PCDHA8: variants seen among roughly 807,000 people sequenced by gnomAD.
PCDHA8 encodes the protein protocadherin alpha-8.
A neutral mutation model predicts 61.8 loss-of-function variants in PCDHA8; 53 were observed. The observed-to-expected ratio is 0.86, with a 90% CI of 0.69 to 1.08. The LOEUF (loss-of-function observed/expected upper bound fraction) is 1.08. PCDHA8 is among the 50% of genes least tolerant of loss of function. The probability of loss-of-function intolerance (pLI) is 0.00; values close to 1 mark genes in which losing one functional copy is unlikely to be tolerated. For synonymous variants in PCDHA8, 618 were observed against 556.6 expected (o/e 1.11, Z -1.55); for missense variants, 1,293 against 1,245.0 (o/e 1.04, Z -0.58).
chr5:140,976,413 C>T (rs560298731), intron 1 of PCDHA8, among the ~76,000 whole-genome samples: 2 of 151,978 alleles, frequency 1.3e-5, no homozygotes, highest in African/African-American at 4.8e-5. Flanking sequence ...TAGCCAGGTA[C>T]GGTGGCAGAT....
intron 1 of PCDHA8, chr5:140,929,570 A>G (rs1563117537): frequency 2.2e-6 from 1 of 458,222 alleles, no homozygotes; most frequent in South Asian, 1.1e-4. Flanking sequence ...TAAGAACAAT[A>G]AAAGTAATAT....
chr5:140,978,920 A>G, intron 1 of PCDHA8, 29 bp from the exon 2 acceptor site: 1 of 1,614,014 alleles, frequency 6.2e-7, no homozygotes, highest in Non-Finnish European at 8.5e-7. Context: ...TTGTCATTTT[A>G]ACAGAAAACT....
chr5:140,956,433 C>T (rs1260145380), intron 1 of PCDHA8, among the ~76,000 whole-genome samples: 6 of 152,098 alleles, frequency 3.9e-5, no homozygotes, highest in African/African-American at 1.4e-4. Context: ...TTTAGTTCTG[C>T]TTATGTGATG....
intron 1 of PCDHA8, chr5:140,863,107 G>A (rs1554157777): frequency 1.7e-6 from 1 of 582,652 alleles, no homozygotes; most frequent in Admixed American, 1.9e-5. Flanking sequence ...TACCCTGGAC[G>A]AGGCGAAAGC....
In PCDHA8 at chr5:140,846,504, A is replaced by G. The variant is rs910263180; in HGVS notation, c.2394+2789A>G. ...ATTCTCCTTCCTCAGCCTCCCAAGT[A>G]GCTGGGATTACAGGTGCATGCCACC... is the stretch of plus-strand genomic sequence containing the variant. On this transcript the variant is annotated intron_variant, in intron 1 of 3. Coordinates refer to ENST00000531613, the MANE Select transcript of PCDHA8 (RefSeq NM_018911.3). Among the ~76,000 whole-genome samples the G allele has an allele frequency of 1.4e-5, 2 of 146,302 alleles. 1 individual carries two copies. Among genetic ancestry groups the G allele is most frequent in the Non-Finnish European group, 3.0e-5 (2 of 66,038 alleles).
chr5:140,890,419 A>G (rs1168983784), intron 1 of PCDHA8, among the ~76,000 whole-genome samples: 4 of 152,212 alleles, frequency 2.6e-5, no homozygotes, highest in Non-Finnish European at 5.9e-5. Context: ...ATATTTATTT[A>G]GTTTATATTT....
At chr5:140,967,146 A>G (rs782158011) in intron 1 of PCDHA8, 2 of 1,610,972 alleles carry the variant, frequency 1.2e-6, no homozygotes, top group South Asian at 1.1e-5. Flanking sequence ...CTGGCGCACA[A>G]CCCCGTGGCG....
chr5:140,868,098 A>C (rs972281563), intron 1 of PCDHA8: 1 of 152,120 alleles, frequency 6.6e-6, no homozygotes, highest in African/African-American at 2.4e-5. Context: ...AATGATAATA[A>C]AATTTATTTT....
Position 140,969,197 on chromosome 5 carries a change from A to G in PCDHA8, c.2395-9752A>G, listed in dbSNP as rs782342139. 4 of 1,614,132 alleles carry G rather than the reference A, an allele frequency of 2.5e-6. No individual in the cohort carries two copies. In the South Asian group the frequency reaches 4.4e-5, roughly 18 times the overall value. On this transcript the variant is annotated intron_variant, in intron 1 of 3. Coordinates refer to ENST00000531613, the MANE Select transcript of PCDHA8 (RefSeq NM_018911.3). ...GAGTGACACTTTCATGTTTTACAAT[A>G]CAGGGGCCCAGACAGGACCAGGGCC...
Position 140,972,810 on chromosome 5 carries a change from C to T in PCDHA8, c.2395-6139C>T, listed in dbSNP as rs546110006. 7.2e-5 allele frequency among the ~76,000 whole-genome samples: 11 copies of T among 151,984 alleles called. No homozygotes were observed. In the East Asian group the frequency reaches 9.7e-4, roughly 13 times the overall value. On this transcript the variant is annotated intron_variant, in intron 1 of 3. Transcript: ENST00000531613. ...TCCTGAGTAGCTGAGATTACAGGCA[C>T]GCGCCACCACGCCTGGCTAATTTTT...
At chr5:140,963,871 T>A (rs2095795562) in intron 1 of PCDHA8, among the ~76,000 whole-genome samples, 1 of 152,238 alleles carries the variant, frequency 6.6e-6, no homozygotes, top group Non-Finnish European at 1.5e-5. Context: ...GAGTTTTGCT[T>A]ACTATTGTTT....
intron 1 of PCDHA8, among the ~76,000 whole-genome samples, chr5:140,893,926 C>G (rs1481035774): frequency 6.6e-6 from 1 of 152,180 alleles, no homozygotes; most frequent in Non-Finnish European, 1.5e-5. Context: ...TTTTCAGAAT[C>G]TCTACCTGTT....
In PCDHA8 at chr5:140,882,697, A is replaced by G. The variant is rs145968658; in HGVS notation, c.2394+38982A>G. 60 of 1,614,238 alleles carry G rather than the reference A, an allele frequency of 3.7e-5. No homozygotes were observed. The African/African-American group carries it at 6.5e-4, about 18-fold the overall frequency. On this transcript the variant is annotated intron_variant, in intron 1 of 3. Transcript: ENST00000531613. ...AAAGCAAGAAACGAATAATCATTGC[A>G]GAATCTAGACCTCCGGAAACTCGAT...
chr5:140,904,397 T>G (rs2071090298), intron 1 of PCDHA8, among the ~76,000 whole-genome samples: 1 of 151,416 alleles, frequency 6.6e-6, no homozygotes, highest in East Asian at 1.9e-4. Flanking sequence ...TATTCCATGG[T>G]GTATTATATA....
intron 1 of PCDHA8, chr5:140,877,006 G>A: frequency 6.2e-7 from 1 of 1,612,484 alleles, no homozygotes; most frequent in Non-Finnish European, 8.5e-7. Flanking sequence ...GTCGGTGCAC[G>A]CGGAGAGCGG....
intron 1 of PCDHA8, among the ~76,000 whole-genome samples, chr5:140,845,551 C>A (rs1311867646): frequency 6.7e-6 from 1 of 149,234 alleles, no homozygotes. Context: ...TATGGTGATG[C>A]TTTTAGCTAT....
intron 1 of PCDHA8, chr5:140,852,662 C>T: frequency 1.0e-6 from 1 of 963,512 alleles, no homozygotes; most frequent in Non-Finnish European, 1.3e-6. Context: ...ATCTGTCTAT[C>T]AGCACAACTC....
At chr5:140,894,503 T>C (rs934592222) in intron 1 of PCDHA8, among the ~76,000 whole-genome samples, 1 of 152,016 alleles carries the variant, frequency 6.6e-6, no homozygotes. Context: ...TTAGGCATTA[T>C]CCATAGTGTT....
intron 1 of PCDHA8, chr5:140,882,791 A>G (rs1554175610): frequency 6.2e-7 from 1 of 1,614,254 alleles, no homozygotes; most frequent in South Asian, 1.1e-5. Context: ...ACTGGATCCC[A>G]ACGATTATTT....
Sources: gnomAD v4.1 joint callset for allele counts (sites outside exome capture counted in the v4.1 genomes callset) on GRCh38, gnomAD v4.1.1 for gene constraint, MANE v1.5 for transcripts, NCBI Gene and HGNC (gene_info 2026-07-23, HGNC 2026-07-21) for gene names.